RBMS3: variants seen among roughly 807,000 people sequenced by gnomAD.
RBMS3 encodes RNA binding motif single stranded interacting protein 3.
RBMS3 carries 27 observed loss-of-function variants against 66.8 expected under a neutral mutation model. The observed-to-expected ratio is 0.40, with a 90% CI of 0.30 to 0.56. The LOEUF (loss-of-function observed/expected upper bound fraction) is 0.56, where lower values mean the gene tolerates loss of function less well. RBMS3 is among the 20% of genes least tolerant of loss of function. RBMS3 has a pLI of 0.40. For synonymous variants in RBMS3, 188 were observed against 183.0 expected (o/e 1.03, Z -0.22); for missense variants, 513 against 549.5 (o/e 0.93, Z 0.66).
At chr3:29,994,711 T>C (rs535196342) in intron 14 of RBMS3, among the ~76,000 whole-genome samples, 19 of 152,242 alleles carry the variant, frequency 1.2e-4, no homozygotes, top group African/African-American at 1.7e-4. Flanking sequence ...CAGCTGAGGA[T>C]CCTCTCTGTT....
intron 1 of RBMS3, among the ~76,000 whole-genome samples, chr3:29,369,516 ACACACACACACACACACT>A (rs1470416731): frequency 2.0e-5 from 3 of 150,900 alleles, no homozygotes; most frequent in East Asian, 2.0e-4. Flanking sequence ...ACACACACAC[ACACACACACACACACACT>A]TTGAGTGAGG....
intron 6 of RBMS3, among the ~76,000 whole-genome samples, chr3:29,821,973 G>A (rs1253206166): frequency 6.6e-6 from 1 of 152,136 alleles, no homozygotes; most frequent in East Asian, 1.9e-4. Context: ...ATTCAACTAA[G>A]TCACTAATTC....
intron 3 of RBMS3, among the ~76,000 whole-genome samples, chr3:29,492,194 A>G (rs539889748): frequency 1.7e-4 from 26 of 152,214 alleles, no homozygotes; most frequent in African/African-American, 6.0e-4. Flanking sequence ...GTGCCCTGTA[A>G]GTCAGCAAAT....
At chr3:29,759,924 C>A (rs753732780) in intron 5 of RBMS3, among the ~76,000 whole-genome samples, 1 of 152,054 alleles carries the variant, frequency 6.6e-6, no homozygotes, top group South Asian at 2.1e-4. Flanking sequence ...TAAGCGCCGG[C>A]AGCTACAGAA....
intron 6 of RBMS3, among the ~76,000 whole-genome samples, chr3:29,809,374 C>T (rs1372284621): frequency 2.0e-5 from 3 of 150,548 alleles, no homozygotes; most frequent in African/African-American, 7.3e-5. Context: ...ATACCTAAGT[C>T]TTACTTTTGT....
intron 4 of RBMS3, among the ~76,000 whole-genome samples, chr3:29,640,590 T>A (rs540780802): frequency 2.8e-4 from 42 of 152,010 alleles, no homozygotes; most frequent in African/African-American, 1.0e-3. Flanking sequence ...ACAAAATAAT[T>A]TACACTGAAC....
At chr3:29,468,922 G>C (rs2042629463) in intron 2 of RBMS3, among the ~76,000 whole-genome samples, 1 of 152,038 alleles carries the variant, frequency 6.6e-6, no homozygotes, top group Admixed American at 6.6e-5. Context: ...ATTTTTGTGT[G>C]TATATTATAA....
intron 12 of RBMS3, among the ~76,000 whole-genome samples, chr3:29,970,179 AT>A (rs1046643045): frequency 1.3e-5 from 2 of 152,152 alleles, no homozygotes; most frequent in African/African-American, 4.8e-5. Context: ...TGTAGTTAAC[AT>A]TTTTGGGAAA....
At chr3:29,837,406 A>G (rs1036951071) in intron 6 of RBMS3, among the ~76,000 whole-genome samples, 1 of 151,556 alleles carries the variant, frequency 6.6e-6, no homozygotes, top group Non-Finnish European at 1.5e-5. Context: ...TATAATTGTT[A>G]TACATTTAGA....
rs1431879640 is a variant in RBMS3 at position 29,591,253 on chromosome 3, G to A, written c.399+4048G>A. On this transcript the variant is annotated intron_variant, in intron 4 of 14. Transcript: ENST00000383767. ...TTTCCCAAAAAGAACCCACCTCAAA[G>A]CTGTGATTGCATCTGGTGACTCGGT... 2.6e-5 allele frequency among the ~76,000 whole-genome samples: 4 copies of A among 152,284 alleles called. No homozygotes were observed. The East Asian group carries it at 7.7e-4, about 29-fold the overall frequency.
At chr3:29,302,526 T>A (rs939270504) in intron 1 of RBMS3, among the ~76,000 whole-genome samples, 10 of 151,914 alleles carry the variant, frequency 6.6e-5, no homozygotes, top group Admixed American at 2.6e-4. Context: ...GGAAAAAAAA[T>A]ATATATGTAT....
intron 4 of RBMS3, among the ~76,000 whole-genome samples, chr3:29,716,935 G>T (rs1448823387): frequency 2.0e-5 from 3 of 151,554 alleles, no homozygotes; most frequent in African/African-American, 7.3e-5. Context: ...TACACATACA[G>T]ACATATATAA....
At chr3:29,689,734 C>G (rs1024032067) in intron 4 of RBMS3, among the ~76,000 whole-genome samples, 1 of 151,342 alleles carries the variant, frequency 6.6e-6, no homozygotes, top group African/African-American at 2.4e-5. Context: ...ACTTTTATTA[C>G]AAAGAAATCT....
At chr3:29,576,451 T>C (rs1001433199) in intron 3 of RBMS3, among the ~76,000 whole-genome samples, 1 of 152,010 alleles carries the variant, frequency 6.6e-6, no homozygotes, top group African/African-American at 2.4e-5. Flanking sequence ...TAGCACTGAG[T>C]CTTGCCCAAG....
At chr3:29,924,819 G>A (rs2060888526) in intron 10 of RBMS3, 2 of 149,206 alleles carry the variant, frequency 1.3e-5, no homozygotes, top group Admixed American at 1.4e-4. Context: ...TGGGCAACAA[G>A]AGCGAAACTC....
rs2031782201 is a variant in RBMS3 at position 29,281,535 on chromosome 3, G to T, written c.-147G>T. 58 of 556,420 alleles carry T rather than the reference G, an allele frequency of 1.0e-4. No homozygotes were observed. Among genetic ancestry groups the T allele is most frequent in the South Asian group, 1.7e-4 (7 of 41,632 alleles). The allele number at this position is 556,420 out of a possible 1,614,324, so 34.5% of individuals were successfully genotyped here. A position where few individuals can be genotyped will look rare whatever the true frequency, so the allele number is the denominator to read the frequency against. Reference sequence around the variant, plus strand: ...TGTTTTGTTTTTTAAAAAAATTCTTGCTGTGTTGGAACTAGCGAGTGGTGG... The same window carrying T: ...TGTTTTGTTTTTTAAAAAAATTCTTTCTGTGTTGGAACTAGCGAGTGGTGG... On this transcript the variant is annotated 5_prime_UTR_variant, in exon 1 of 15. Coordinates refer to ENST00000383767, the MANE Select transcript of RBMS3 (RefSeq NM_001003793.3).
At chr3:29,625,103 G>T (rs1263159241) in intron 4 of RBMS3, among the ~76,000 whole-genome samples, 1 of 152,130 alleles carries the variant, frequency 6.6e-6, no homozygotes, top group Non-Finnish European at 1.5e-5. Flanking sequence ...CTCCACATAA[G>T]ACATGCCTTG....
chr3:29,775,089 A>G (rs1318215503), intron 6 of RBMS3, among the ~76,000 whole-genome samples: 1 of 151,848 alleles, frequency 6.6e-6, no homozygotes, highest in Non-Finnish European at 1.5e-5. Context: ...ATCTTAGAAA[A>G]GATGAAGAAA....
chr3:29,747,191 GC>G (rs1482178623), intron 5 of RBMS3, among the ~76,000 whole-genome samples: 1 of 152,170 alleles, frequency 6.6e-6, no homozygotes, highest in Non-Finnish European at 1.5e-5. Flanking sequence ...TACACTCTCA[GC>G]TTTCTGTGAA....
Sources: gnomAD v4.1 joint callset for allele counts (sites outside exome capture counted in the v4.1 genomes callset) on GRCh38, gnomAD v4.1.1 for gene constraint, MANE v1.5 for transcripts, NCBI Gene and HGNC (gene_info 2026-07-23, HGNC 2026-07-21) for gene names.